DLG2: variants seen among roughly 807,000 people sequenced by gnomAD.
DLG2 encodes the protein discs large MAGUK scaffold protein 2.
In DLG2, 45 loss-of-function variants were observed where a neutral mutation model predicts 132.5. That is an observed-to-expected ratio of 0.34 (90% confidence interval 0.27 to 0.44). The LOEUF is 0.44. DLG2 is among the 20% of genes least tolerant of loss of function. The probability of loss-of-function intolerance (pLI) is 1.00; values close to 1 mark genes in which losing one functional copy is unlikely to be tolerated. For missense variants in DLG2, 1,045 were observed against 1,196.9 expected, an observed-to-expected ratio of 0.87 and a Z score of 1.87; for synonymous variants, 424 against 419.6, an observed-to-expected ratio of 1.01 and a Z score of -0.13.
intron 3 of DLG2, among the ~76,000 whole-genome samples, chr11:85,317,918 C>A (rs1273948571): frequency 6.6e-6 from 1 of 151,704 alleles, no homozygotes; most frequent in Non-Finnish European, 1.5e-5. Flanking sequence ...AAAAATAGCA[C>A]CCAATTTAGG....
At chr11:84,086,913 T>C (rs1243865246) in intron 10 of DLG2, among the ~76,000 whole-genome samples, 1 of 152,232 alleles carries the variant, frequency 6.6e-6, no homozygotes, top group Non-Finnish European at 1.5e-5. Context: ...TAAAATTGTA[T>C]AATATGTGGC....
intron 6 of DLG2, among the ~76,000 whole-genome samples, chr11:85,074,527 T>C (rs1439067555): frequency 1.3e-5 from 2 of 151,828 alleles, no homozygotes; most frequent in East Asian, 3.9e-4. Flanking sequence ...ACATACCTTC[T>C]AAAAAAGGAT....
chr11:85,189,561 A>G (rs184961617), intron 4 of DLG2, among the ~76,000 whole-genome samples: 1 of 152,316 alleles, frequency 6.6e-6, no homozygotes, highest in African/African-American at 2.4e-5. Flanking sequence ...GCAATGAGGA[A>G]GAGATCAGTG....
intron 6 of DLG2, among the ~76,000 whole-genome samples, chr11:84,807,457 A>G (rs1195666681): frequency 1.3e-5 from 2 of 152,156 alleles, no homozygotes; most frequent in Non-Finnish European, 2.9e-5. Context: ...AAAAAAACAA[A>G]AAACAAAAAA....
At chr11:83,570,359 A>T (rs2096778011) in intron 19 of DLG2, among the ~76,000 whole-genome samples, 1 of 152,210 alleles carries the variant, frequency 6.6e-6, no homozygotes, top group South Asian at 2.1e-4. Context: ...GAATTTAAAG[A>T]AATAATGTAA....
chr11:84,732,887 G>A (rs1430347207), intron 6 of DLG2, among the ~76,000 whole-genome samples: 2 of 151,216 alleles, frequency 1.3e-5, no homozygotes, highest in South Asian at 2.1e-4. Flanking sequence ...GAGAACATGT[G>A]ATGTTTGGTT....
rs1365083227 is a variant in DLG2 at position 83,565,574 on chromosome 11, TC to T, written c.1941-23717del. On this transcript the variant is annotated intron_variant, in intron 19 of 27. Coordinates refer to ENST00000376104, the MANE Select transcript of DLG2 (RefSeq NM_001142699.3). ...AGTGCAGAGTACACAGTGAAATTTT[TC>T]CCAGAGTATGTCTTGTCAAATAATT... 3.9e-5 allele frequency among the ~76,000 whole-genome samples: 6 copies of T among 152,206 alleles called. 1 individual carries two copies. The South Asian group carries it at 1.2e-3, about 31-fold the overall frequency.
chr11:84,275,230 A>G (rs1172233435), intron 7 of DLG2, among the ~76,000 whole-genome samples: 2 of 152,112 alleles, frequency 1.3e-5, no homozygotes, highest in Non-Finnish European at 1.5e-5. Flanking sequence ...GTTTTTGGGG[A>G]AAAAAAGGTA....
chr11:83,483,314 C>CAG (rs2093276296), intron 22 of DLG2: 2 of 1,609,602 alleles, frequency 1.2e-6, no homozygotes, highest in Admixed American at 1.7e-5. Context: ...TGGAAGTCCC[C>CAG]AGAGAGAGCA....
intron 6 of DLG2, among the ~76,000 whole-genome samples, chr11:84,743,734 A>T (rs1279098348): frequency 6.8e-6 from 1 of 147,404 alleles, no homozygotes. Flanking sequence ...ATACTGAAGG[A>T]AAGAGAATTT....
At chr11:83,799,874 T>C (rs1439456800) in intron 17 of DLG2, among the ~76,000 whole-genome samples, 1 of 152,222 alleles carries the variant, frequency 6.6e-6, no homozygotes. Flanking sequence ...AGATTTCATA[T>C]TCCTGTGGTC....
chr11:84,001,424 C>T (rs1332968964), intron 11 of DLG2, among the ~76,000 whole-genome samples: 1 of 151,510 alleles, frequency 6.6e-6, no homozygotes, highest in African/African-American at 2.4e-5. Context: ...TATACATGCA[C>T]CCAGCACTGG....
chr11:85,033,049 C>A lies in DLG2; in HGVS notation c.357+78612G>T, dbSNP rs1175453913. On this transcript the variant is annotated intron_variant, in intron 6 of 27. Transcript: ENST00000376104. ...ATACTCAGTCTTGCAAAATGCAAAGCCAACAAAATGAATGAAATATTATTT... is the reference window on the plus strand; with the variant it reads ...ATACTCAGTCTTGCAAAATGCAAAGACAACAAAATGAATGAAATATTATTT... Among the ~76,000 whole-genome samples the A allele has an allele frequency of 2.0e-5, 3 of 152,036 alleles. No homozygotes were observed. The East Asian group carries it at 5.8e-4, about 29-fold the overall frequency.
intron 3 of DLG2, among the ~76,000 whole-genome samples, chr11:85,471,849 C>A (rs142282546): frequency 6.6e-6 from 1 of 151,846 alleles, no homozygotes; most frequent in African/African-American, 2.4e-5. Flanking sequence ...TTGACTAGCA[C>A]ACCAAATTAA....
chr11:84,587,895 T>G (rs1227646354), intron 6 of DLG2, among the ~76,000 whole-genome samples: 1 of 152,216 alleles, frequency 6.6e-6, no homozygotes, highest in Non-Finnish European at 1.5e-5. Flanking sequence ...CCCCACTACT[T>G]CATGCCTCCT....
chr11:84,860,780 C>CA (rs1195619087), intron 6 of DLG2, among the ~76,000 whole-genome samples: 1 of 145,266 alleles, frequency 6.9e-6, no homozygotes, highest in Admixed American at 7.0e-5. Flanking sequence ...GAAGATTTAA[C>CA]AAAAGATATA....
At chr11:85,067,386 G>A (rs1190443284) in intron 6 of DLG2, among the ~76,000 whole-genome samples, 1 of 151,824 alleles carries the variant, frequency 6.6e-6, no homozygotes, top group Non-Finnish European at 1.5e-5. Flanking sequence ...CCTTCTGCAA[G>A]CTTTTGAATG....
At position 85,119,480 on chromosome 11, in the gene DLG2, T is replaced by C. The variant is rs2074054659; in HGVS notation, c.283-7745A>G. 2.0e-5 allele frequency among the ~76,000 whole-genome samples: 3 copies of C among 152,160 alleles called. No individual in the cohort carries two copies. The South Asian group carries it at 6.2e-4, about 32-fold the overall frequency. ...GAAATATTTTTAATGTAATTAATAT[T>C]TGCATTCTGTCATTGCATCCTAGTA... is the stretch of plus-strand genomic sequence containing the variant. On this transcript the variant is annotated intron_variant, in intron 5 of 27. Coordinates refer to ENST00000376104, the MANE Select transcript of DLG2 (RefSeq NM_001142699.3).
chr11:83,751,403 G>A (rs2093299712), intron 18 of DLG2, among the ~76,000 whole-genome samples: 1 of 152,106 alleles, frequency 6.6e-6, no homozygotes, highest in South Asian at 2.1e-4. Flanking sequence ...GCTCTGGGTG[G>A]GATAGGAGAA....
Sources: gnomAD v4.1 joint callset for allele counts (sites outside exome capture counted in the v4.1 genomes callset) on GRCh38, gnomAD v4.1.1 for gene constraint, MANE v1.5 for transcripts, NCBI Gene and HGNC (gene_info 2026-07-23, HGNC 2026-07-21) for gene names.